Variants in MCF2L observed in about 807,000 individuals in gnomAD.
MCF2L encodes MCF.2 cell line derived transforming sequence like.
A neutral mutation model predicts 153.4 loss-of-function variants in MCF2L; 97 were observed. The ratio of observed to expected loss-of-function variants is 0.63; its 90% confidence interval spans 0.54 to 0.75. The LOEUF is 0.75. Among genes scored for constraint, MCF2L ranks in the 30% least tolerant of loss-of-function variants. MCF2L has a pLI of 0.00. For synonymous variants in MCF2L, 659 were observed against 632.2 expected (o/e 1.04, Z -0.64); for missense variants, 1,347 against 1,495.2 (o/e 0.90, Z 1.64).
At chr13:113,001,993 G>A (rs1250452808) in intron 1 of MCF2L, 5 of 1,567,482 alleles carry the variant, frequency 3.2e-6, no homozygotes, top group Non-Finnish European at 3.4e-6. Context: ...GGTGCGTGGG[G>A]CGCGGGCGGG....
At chr13:113,060,762 C>T (rs761373269) in intron 5 of MCF2L, 50 bp downstream of exon 5, 227 of 1,597,622 alleles carry the variant, frequency 1.4e-4, no homozygotes, top group Non-Finnish European at 1.9e-4. Flanking sequence ...AACTCATTGC[C>T]GTCCTGGCCC....
intron 1 of MCF2L, among the ~76,000 whole-genome samples, chr13:112,971,559 C>T (rs2082039625): frequency 6.6e-6 from 1 of 152,194 alleles, no homozygotes; most frequent in African/African-American, 2.4e-5. Context: ...GGCATTTTAT[C>T]TTTGCTGCTG....
At chr13:113,009,706 G>A (rs2993294) in intron 1 of MCF2L, 19,914 of 152,316 alleles carry the variant, frequency 0.13, 1,508 homozygotes, top group East Asian at 0.34. Context: ...ATTTTGTTCC[G>A]ATTTTGTGGC....
intron 2 of MCF2L, among the ~76,000 whole-genome samples, chr13:113,016,729 T>G (rs2084543431): frequency 6.6e-6 from 1 of 152,134 alleles, no homozygotes; most frequent in African/African-American, 2.4e-5. Context: ...GCCCTCTCCA[T>G]GCAGCGAATT....
At chr13:112,925,403 T>G (rs191759673) in intron 2 of MCF2L, among the ~76,000 whole-genome samples, 37 of 152,298 alleles carry the variant, frequency 2.4e-4, no homozygotes, top group Middle Eastern at 3.4e-3. Flanking sequence ...AAGGAGTACT[T>G]CTGTACGTGT....
Position 113,031,905 on chromosome 13 carries a change from C to T in MCF2L, c.278+7147C>T, listed in dbSNP as rs1166192842. Among the ~76,000 whole-genome samples, 2 of 152,070 alleles carry T rather than the reference C, an allele frequency of 1.3e-5. No homozygotes were observed. Among genetic ancestry groups the T allele is most frequent in the African/African-American group, 4.8e-5 (2 of 41,366 alleles). The stretch of plus-strand genomic sequence containing the variant: ...ACACACACACAGATGCACGCAGACA[C>T]GCAGGCACTCATGCACTTACATACA... On this transcript the variant is annotated intron_variant, in intron 3 of 29. Coordinates refer to ENST00000535094, the MANE Select transcript of MCF2L (RefSeq NM_001112732.3). This position sits in a 1 kb window ranked among gnomAD's most constrained non-coding sequence, Gnocchi z 5.5.
intron 2 of MCF2L, among the ~76,000 whole-genome samples, chr13:112,934,090 T>G (rs923575756): frequency 6.6e-6 from 1 of 152,276 alleles, no homozygotes; most frequent in African/African-American, 2.4e-5. Context: ...AAACCATGTT[T>G]TAACCCTATT....
At position 113,086,228 on chromosome 13, in the gene MCF2L, C is replaced by T. The variant is rs1268151398; in HGVS notation, c.2352C>T (p.Leu784=). The T allele has an allele frequency of 6.2e-7, 1 of 1,609,874 alleles. No homozygotes were observed. Among genetic ancestry groups the T allele is most frequent in the Non-Finnish European group, 8.5e-7 (1 of 1,178,258 alleles). Residue 784 remains leucine (L), a synonymous_variant, in exon 21 of 30, where the codon CTC becomes CTT. Coordinates refer to ENST00000535094, the MANE Select transcript of MCF2L (RefSeq NM_001112732.3). The part of the protein sequence containing the change: ...ILKAVNDSMH[L]IAITGYDGNL... ...AGGCCGTGAACGACTCCATGCACCT[C>T]ATCGCTATCACCGGCTATGACGTAA...
intron 3 of MCF2L, among the ~76,000 whole-genome samples, chr13:113,040,139 T>G (rs958266194): frequency 3.9e-5 from 6 of 152,102 alleles, no homozygotes; most frequent in Non-Finnish European, 8.8e-5. Flanking sequence ...AAGCACATAT[T>G]GTATATTTTT....
intron 2 of MCF2L, among the ~76,000 whole-genome samples, chr13:112,917,889 C>T (rs1384328840): frequency 1.3e-5 from 2 of 152,226 alleles, no homozygotes; most frequent in East Asian, 3.9e-4. Flanking sequence ...CCTGCCCACC[C>T]CCCTGCTCCA....
chr13:112,987,261 C>G lies in MCF2L; in HGVS notation c.79+17803C>G, dbSNP rs374108260. On this transcript the variant is annotated intron_variant, in intron 1 of 29. Coordinates refer to ENST00000535094, the MANE Select transcript of MCF2L (RefSeq NM_001112732.3). ...CCACCTGCCCCTTCCAGCGCTTTCC[C>G]GAAACGCTGTTGTCTGCAGCCACGC... Among the ~76,000 whole-genome samples the G allele has an allele frequency of 1.4e-4, 21 of 152,354 alleles. No homozygotes were observed. In the South Asian group the frequency reaches 2.3e-3, roughly 17 times the overall value.
chr13:112,998,577 G>T (rs1041049925), intron 1 of MCF2L, among the ~76,000 whole-genome samples: 1 of 152,228 alleles, frequency 6.6e-6, no homozygotes, highest in African/African-American at 2.4e-5. Context: ...TTTCCTGGGG[G>T]ATGGGATGGT....
At chr13:112,944,556 C>T (rs1206673333) in intron 2 of MCF2L, among the ~76,000 whole-genome samples, 2 of 147,604 alleles carry the variant, frequency 1.4e-5, no homozygotes, top group Admixed American at 1.4e-4. Context: ...AGTCCTGTCC[C>T]GCTAAACCTG....
chr13:112,909,105 C>G (rs1020088831), intron 2 of MCF2L: 20 of 714,888 alleles, frequency 2.8e-5, no homozygotes, highest in Non-Finnish European at 5.0e-5. Flanking sequence ...TTGAACTGTT[C>G]CCACTGCAAA....
At chr13:113,001,788 C>T in intron 1 of MCF2L, 2 of 1,419,786 alleles carry the variant, frequency 1.4e-6, no homozygotes, top group Non-Finnish European at 1.8e-6. Context: ...GCCCAGCAAA[C>T]CCAGGAAGGT....
At chr13:113,024,410 T>A (rs2085096176) in intron 2 of MCF2L, among the ~76,000 whole-genome samples, 1 of 152,240 alleles carries the variant, frequency 6.6e-6, no homozygotes, top group African/African-American at 2.4e-5. Context: ...ACGGTAGCTG[T>A]CCCATGGTGG....
chr13:112,967,205 G>A (rs1594397593), upstream of MCF2L, among the ~76,000 whole-genome samples: 1 of 152,206 alleles, frequency 6.6e-6, no homozygotes, highest in East Asian at 1.9e-4. Flanking sequence ...GGGATGGGGA[G>A]TGGTGAAGGT....
chr13:113,038,880 C>T (rs968079231), intron 3 of MCF2L, among the ~76,000 whole-genome samples: 17 of 152,072 alleles, frequency 1.1e-4, no homozygotes, highest in African/African-American at 1.9e-4. Flanking sequence ...ATTTTTGAGG[C>T]GGAGTCTCGC....
At chr13:113,011,610 T>C (rs1279487905) in intron 1 of MCF2L, among the ~76,000 whole-genome samples, 1 of 128,896 alleles carries the variant, frequency 7.8e-6, no homozygotes, top group African/African-American at 3.0e-5. Flanking sequence ...CACTGCAGTG[T>C]GGATGGTGGA....
Sources: gnomAD v4.1 joint callset for allele counts (sites outside exome capture counted in the v4.1 genomes callset) on GRCh38, gnomAD v4.1.1 for gene constraint, Gnocchi (gnomAD v3.1) non-coding constraint, MANE v1.5 for transcripts, NCBI Gene and HGNC (gene_info 2026-07-23, HGNC 2026-07-21) for gene names.